The following APLF variants were observed in gnomAD, a reference collection of about 807,000 sequenced individuals.
APLF encodes aprataxin and PNKP like factor.
In APLF, 61 loss-of-function variants were observed where a neutral mutation model predicts 55.6. That is an observed-to-expected ratio of 1.10 (90% confidence interval 0.89 to 1.36). The LOEUF (loss-of-function observed/expected upper bound fraction) is 1.36, where lower values mean the gene tolerates loss of function less well. Ranked by LOEUF, APLF falls within the 40% of genes most tolerant of loss-of-function variation. The pLI is 0.00. For missense variants in APLF, 611 were observed against 602.5 expected (o/e 1.01, Z -0.15); for synonymous variants, 207 against 214.8 (o/e 0.96, Z 0.32).
intron 3 of APLF, among the ~76,000 whole-genome samples, chr2:68,507,843 T>C (rs144107903): frequency 0.025 from 3,831 of 151,950 alleles, 62 homozygotes; most frequent in South Asian, 0.042. Context: ...CAGACACTTA[T>C]GAGGAAAGTA....
chr2:68,548,189 G>A (rs560791110), intron 8 of APLF, among the ~76,000 whole-genome samples: 14 of 151,740 alleles, frequency 9.2e-5, no homozygotes, highest in African/African-American at 2.9e-4. Flanking sequence ...TCTCAGAGCA[G>A]GGATTATTTT....
intron 1 of APLF, among the ~76,000 whole-genome samples, chr2:68,481,901 T>G (rs762290189): frequency 1.1e-4 from 17 of 151,968 alleles, no homozygotes; most frequent in Non-Finnish European, 8.8e-5. Flanking sequence ...TTATTTTTTA[T>G]TTTATTCTCT....
chr2:68,568,680 T>A (rs995875481), intron 9 of APLF, among the ~76,000 whole-genome samples: 1 of 152,168 alleles, frequency 6.6e-6, no homozygotes, highest in Non-Finnish European at 1.5e-5. Flanking sequence ...AGGAAATATT[T>A]ATCTAAAAAC....
chr2:68,576,512 A>C (rs1178832573), intron 9 of APLF, among the ~76,000 whole-genome samples: 1 of 152,150 alleles, frequency 6.6e-6, no homozygotes, highest in Admixed American at 6.6e-5. Context: ...GATAAATTTG[A>C]TGCTCTATTT....
chr2:68,480,857 T>C lies in APLF; in HGVS notation c.97-9333T>C, dbSNP rs151037621. 3.9e-4 allele frequency among the ~76,000 whole-genome samples: 60 copies of C among 152,294 alleles called. No homozygotes were observed. In the East Asian group the frequency reaches 0.011, roughly 27 times the overall value. ...AATTATATCAAATATTTTTTCTGAATCTCTTGAGATCATATGGTTTTTGTC... is the reference window on the plus strand; with the variant it reads ...AATTATATCAAATATTTTTTCTGAACCTCTTGAGATCATATGGTTTTTGTC... On this transcript the variant is annotated intron_variant, in intron 1 of 9. Coordinates refer to ENST00000303795, the MANE Select transcript of APLF (RefSeq NM_173545.3).
chr2:68,565,844 G>T (rs6708116), intron 8 of APLF, among the ~76,000 whole-genome samples: 1 of 152,014 alleles, frequency 6.6e-6, no homozygotes, highest in Non-Finnish European at 1.5e-5. Context: ...AAATTTAATC[G>T]CCTGATTATT....
At chr2:68,479,969 G>A (rs552118195) in intron 1 of APLF, among the ~76,000 whole-genome samples, 1 of 151,956 alleles carries the variant, frequency 6.6e-6, no homozygotes. Context: ...TCTTCCTTAC[G>A]ATTTTCTGAA....
At chr2:68,571,305 C>T (rs901930685) in intron 9 of APLF, among the ~76,000 whole-genome samples, 9 of 152,046 alleles carry the variant, frequency 5.9e-5, no homozygotes, top group Admixed American at 2.0e-4. Context: ...TTAATTAGAT[C>T]CCATTTGTCA....
At chr2:68,480,425 T>C (rs1488366846) in intron 1 of APLF, among the ~76,000 whole-genome samples, 1 of 151,818 alleles carries the variant, frequency 6.6e-6, no homozygotes. Flanking sequence ...TGCCTCAGCC[T>C]CCCGAGTAGC....
chr2:68,482,538 G>A (rs1401818693), intron 1 of APLF, among the ~76,000 whole-genome samples: 2 of 152,142 alleles, frequency 1.3e-5, no homozygotes, highest in Non-Finnish European at 2.9e-5. Flanking sequence ...GGGCTGCTAG[G>A]CTACTTCTCA....
chr2:68,535,418 A>T (rs1670359259), intron 6 of APLF: 1 of 315,888 alleles, frequency 3.2e-6, no homozygotes, highest in African/African-American at 2.3e-5. Flanking sequence ...ATTTGGATTT[A>T]CACAGATGAA....
chr2:68,501,133 C>T (rs910272382), intron 2 of APLF, among the ~76,000 whole-genome samples: 2 of 152,040 alleles, frequency 1.3e-5, no homozygotes, highest in African/African-American at 4.8e-5. Flanking sequence ...TAAATTTCTA[C>T]CTCTGCTCTT....
chr2:68,485,325 A>C lies in APLF; in HGVS notation c.97-4865A>C, dbSNP rs113659037. ...CCAGTTATTCCTAGAGTGTCCCACA[A>C]TTTTTGTTTTTCCGATTGTTTGCAC... On this transcript the variant is annotated intron_variant, in intron 1 of 9. Transcript: ENST00000303795. Among the ~76,000 whole-genome samples, 355 of 152,146 alleles carry C rather than the reference A, an allele frequency of 2.3e-3. 4 individuals carry two copies. The highest frequency in any genetic ancestry group is 8.0e-3 in the African/African-American group (332 of 41,456).
intron 8 of APLF, among the ~76,000 whole-genome samples, chr2:68,554,166 G>A (rs758346331): frequency 1.1e-4 from 16 of 151,938 alleles, no homozygotes; most frequent in Non-Finnish European, 1.9e-4. Flanking sequence ...TTCATTTGTA[G>A]CCATTCCATC....
chr2:68,513,410 T>C, intron 4 of APLF, 138 bp from the exon 5 acceptor site: 5 of 1,256,634 alleles, frequency 4.0e-6, no homozygotes, highest in Non-Finnish European at 5.5e-6. Flanking sequence ...AGAAATAATT[T>C]CTTTGTTCAA....
chr2:68,551,224 C>T (rs1260374728), intron 8 of APLF, among the ~76,000 whole-genome samples: 2 of 151,912 alleles, frequency 1.3e-5, no homozygotes, highest in Non-Finnish European at 1.5e-5. Flanking sequence ...ATTATTATTG[C>T]CATTATATTT....
At chr2:68,545,648 G>A (rs1355314126) in intron 8 of APLF, among the ~76,000 whole-genome samples, 1 of 152,142 alleles carries the variant, frequency 6.6e-6, no homozygotes, top group African/African-American at 2.4e-5. Flanking sequence ...TATTTGGGAT[G>A]TTATCTCTGC....
At chr2:68,510,473 A>G (rs953218239) in intron 3 of APLF, among the ~76,000 whole-genome samples, 17 of 151,896 alleles carry the variant, frequency 1.1e-4, no homozygotes, top group African/African-American at 3.9e-4. Context: ...TAACACCGCA[A>G]TGAGATACCA....
At chr2:68,518,214 C>A (rs550331175) in intron 5 of APLF, among the ~76,000 whole-genome samples, 1 of 113,586 alleles carries the variant, frequency 8.8e-6, no homozygotes, top group South Asian at 2.6e-4. Flanking sequence ...AATAATATAT[C>A]GTTAATATAT....
Sources: allele counts gnomAD v4.1 joint callset (sites outside exome capture counted in the v4.1 genomes callset), GRCh38; gene constraint gnomAD v4.1.1; transcripts MANE v1.5; gene names NCBI Gene and HGNC (gene_info 2026-07-23, HGNC 2026-07-21).